Variants in ROBO2 observed in about 807,000 individuals in gnomAD.
The protein encoded by ROBO2 is roundabout guidance receptor 2.
Under a neutral mutation model 160.8 loss-of-function variants are expected in ROBO2, and 53 were observed. That is an observed-to-expected ratio of 0.33 (90% confidence interval 0.26 to 0.41). The LOEUF is 0.41. ROBO2 is among the 10% of genes least tolerant of loss of function. The pLI is 1.00. For synonymous variants in ROBO2, 664 were observed against 611.7 expected (o/e 1.09, Z -1.26); for missense variants, 1,577 against 1,722.4 (o/e 0.92, Z 1.49).
intron 23 of ROBO2, chr3:77,632,349 A>T: frequency 1.4e-6 from 1 of 702,828 alleles, no homozygotes; most frequent in Non-Finnish European, 2.2e-6. Context: ...GCATTTGGCT[A>T]AAGAAATCAT....
chr3:76,247,661 G>C (rs1475448264), intron 2 of ROBO2, among the ~76,000 whole-genome samples: 1 of 151,936 alleles, frequency 6.6e-6, no homozygotes, highest in African/African-American at 2.4e-5. Flanking sequence ...GATTTGATAT[G>C]GTTTGGTCTT....
chr3:77,261,133 C>A (rs543238237), intron 2 of ROBO2, among the ~76,000 whole-genome samples: 4 of 152,288 alleles, frequency 2.6e-5, no homozygotes, highest in Admixed American at 2.6e-4. Context: ...TTTCCTTGGA[C>A]TTCTGCCTCT....
At chr3:76,483,310 A>AT (rs72581396) in intron 2 of ROBO2, among the ~76,000 whole-genome samples, 31,085 of 148,754 alleles carry the variant, frequency 0.21, 3,503 homozygotes, top group African/African-American at 0.29. Context: ...AACTGTCATT[A>AT]TTTTTTTTTT....
At chr3:76,460,994 A>T (rs1199241170) in intron 2 of ROBO2, among the ~76,000 whole-genome samples, 2 of 152,222 alleles carry the variant, frequency 1.3e-5, no homozygotes, top group Admixed American at 6.5e-5. Flanking sequence ...TATAAGTCAG[A>T]ATACCACTGT....
chr3:76,326,725 C>T (rs919032921), intron 2 of ROBO2, among the ~76,000 whole-genome samples: 3 of 149,796 alleles, frequency 2.0e-5, no homozygotes, highest in African/African-American at 2.5e-5. Flanking sequence ...CCCACTAACT[C>T]GTCATCTAGC....
intron 4 of ROBO2, among the ~76,000 whole-genome samples, chr3:77,484,890 G>T (rs941198054): frequency 2.6e-5 from 4 of 151,838 alleles, no homozygotes; most frequent in African/African-American, 9.7e-5. Flanking sequence ...GTTCTTCTTT[G>T]AATTAATAAT....
At chr3:76,329,865 G>A (rs776723176) in intron 2 of ROBO2, among the ~76,000 whole-genome samples, 1 of 152,148 alleles carries the variant, frequency 6.6e-6, no homozygotes, top group East Asian at 1.9e-4. Context: ...TTTTCCGGGA[G>A]CAGTGATGCA....
chr3:77,296,606 A>G (rs939514973), intron 2 of ROBO2, among the ~76,000 whole-genome samples: 12 of 152,130 alleles, frequency 7.9e-5, no homozygotes, highest in African/African-American at 2.2e-4. Flanking sequence ...TTCCCTGGAC[A>G]TTGAGACCTT....
chr3:77,215,494 A>T (rs1039635461), intron 2 of ROBO2, among the ~76,000 whole-genome samples: 1 of 151,926 alleles, frequency 6.6e-6, no homozygotes, highest in African/African-American at 2.4e-5. Flanking sequence ...ATTTTTTTTC[A>T]AGGTTTTTAA....
intron 2 of ROBO2, among the ~76,000 whole-genome samples, chr3:77,244,884 A>AC (rs2089523107): frequency 6.6e-6 from 1 of 151,026 alleles, no homozygotes; most frequent in Non-Finnish European, 1.5e-5. Flanking sequence ...TCTCAAAAAA[A>AC]AAAAAAAGAA....
chr3:77,540,619 C>G (rs1245252680), intron 6 of ROBO2, among the ~76,000 whole-genome samples: 1 of 152,146 alleles, frequency 6.6e-6, no homozygotes, highest in Non-Finnish European at 1.5e-5. Context: ...AAAGAGCTAA[C>G]GCATGCTGCG....
intron 16 of ROBO2, among the ~76,000 whole-genome samples, chr3:77,584,719 C>A (rs1471523683): frequency 6.6e-6 from 1 of 151,774 alleles, no homozygotes; most frequent in Non-Finnish European, 1.5e-5. Flanking sequence ...GAATTAATTC[C>A]TTAACCTGAG....
At chr3:76,984,766 T>A (rs2060282617) in intron 2 of ROBO2, among the ~76,000 whole-genome samples, 1 of 151,050 alleles carries the variant, frequency 6.6e-6, no homozygotes, top group Admixed American at 6.6e-5. Flanking sequence ...AAAATGAGAG[T>A]AGAGAATTAG....
chr3:76,435,184 G>T, intron 2 of ROBO2: 2 of 1,146,230 alleles, frequency 1.7e-6, no homozygotes, highest in Non-Finnish European at 2.7e-6. Context: ...ATCAACAGTA[G>T]GGATGTCAAA....
At chr3:77,602,681 C>G (rs1476388570) in intron 20 of ROBO2, among the ~76,000 whole-genome samples, 190 bp downstream of exon 21, 15 of 149,224 alleles carry the variant, frequency 1.0e-4, no homozygotes, top group Non-Finnish European at 1.6e-4. Context: ...CCACCACCAC[C>G]ACCACCACCG....
intron 2 of ROBO2, among the ~76,000 whole-genome samples, chr3:76,912,975 T>G (rs147246759): frequency 1.9e-3 from 289 of 152,228 alleles, no homozygotes; most frequent in African/African-American, 6.5e-3. Flanking sequence ...ATAGGTCTTA[T>G]ACGTCCAAAG....
At chr3:76,107,398 A>G (rs1358020946) in intron 2 of ROBO2, among the ~76,000 whole-genome samples, 1 of 152,160 alleles carries the variant, frequency 6.6e-6, no homozygotes. Context: ...TTACCATATT[A>G]TTCAAAATAT....
At chr3:77,205,696 A>C (rs781740704) in intron 2 of ROBO2, among the ~76,000 whole-genome samples, 7 of 152,128 alleles carry the variant, frequency 4.6e-5, no homozygotes, top group Non-Finnish European at 1.0e-4. Flanking sequence ...CCAGCTTAAT[A>C]AGTTGCACTA....
chr3:76,577,165 A>G (rs2085360823), intron 2 of ROBO2, among the ~76,000 whole-genome samples: 1 of 152,156 alleles, frequency 6.6e-6, no homozygotes, highest in Non-Finnish European at 1.5e-5. Flanking sequence ...AATCTCTTGT[A>G]CATAACACAC....
Sources: allele counts gnomAD v4.1 joint callset (sites outside exome capture counted in the v4.1 genomes callset), GRCh38; gene constraint gnomAD v4.1.1; transcripts MANE v1.5; gene names NCBI Gene and HGNC (gene_info 2026-07-23, HGNC 2026-07-21).